Variants in SCNM1 observed in about 807,000 individuals in gnomAD.
SCNM1 encodes sodium channel modifier 1.
In SCNM1, 24 loss-of-function variants were observed where a neutral mutation model predicts 32.8. The ratio of observed to expected loss-of-function variants is 0.73; its 90% CI spans 0.53 to 1.03. The LOEUF is 1.03. Ranked by LOEUF, SCNM1 falls within the 50% of genes least tolerant of loss-of-function variation. The probability of loss-of-function intolerance (pLI) is 0.00; values close to 1 mark genes in which losing one functional copy is unlikely to be tolerated. For synonymous variants in SCNM1, 99 were observed against 103.2 expected (o/e 0.96, Z 0.25); for missense variants, 274 against 282.3 (o/e 0.97, Z 0.21).
intron 2 of SCNM1, 122 bp downstream of exon 2, chr1:151,166,663 G>A (rs982385056): frequency 1.4e-6 from 2 of 1,459,084 alleles, no homozygotes; most frequent in Admixed American, 2.3e-5. Context: ...CGAACTCTAG[G>A]GCTCAAGTGA....
At chr1:151,166,859 G>A in intron 2 of SCNM1, 75 bp from the exon 3 acceptor site, 1 of 1,602,762 alleles carries the variant, frequency 6.2e-7, no homozygotes, top group South Asian at 1.1e-5. Flanking sequence ...TGCTAGGACA[G>A]GGTGGGACCT....
chr1:151,166,179 T>C lies in SCNM1; in HGVS notation c.27T>C (p.Asp9=), dbSNP rs145204847. 2.7e-5 allele frequency: 44 copies of C among 1,606,182 alleles called. No individual in the cohort carries two copies. The highest frequency in any genetic ancestry group is 5.3e-5 in the African/African-American group (4 of 74,870). ...TGTCTTTCAAGAGGGAAGGAGACGA[T>C]TGGAGTCAACTCAATGTGCTCAAAG... MSFKREGD[D]WSQLNVLKKR... The change falls in exon 1 of 7, where the codon GAT becomes GAC. Residue 9 remains aspartate (D), a synonymous_variant. Transcript: ENST00000368905.
chr1:151,170,002 T>G lies in SCNM1; in HGVS notation c.*917T>G. 6.4e-7 allele frequency: 1 copy of G among 1,565,620 alleles called. No homozygotes were observed. Among genetic ancestry groups the G allele is most frequent in the Non-Finnish European group, 8.8e-7 (1 of 1,137,128 alleles). The stretch of plus-strand genomic sequence containing the variant: ...GCAGGCAAAATGGATAGAAGGGCTT[T>G]TATTTACAGGAAAGGAGGACAGATG... On this transcript the variant is annotated 3_prime_UTR_variant, in exon 7 of 7. Coordinates refer to ENST00000368905, the MANE Select transcript of SCNM1 (RefSeq NM_024041.4).
rs909761476 is a variant in SCNM1, at chr1:151,170,281, C to G, written c.*1196C>G. On this transcript the variant is annotated 3_prime_UTR_variant, in exon 7 of 7. Transcript: ENST00000368905. ...AGAAACCACACCACAAATAAAATTA[C>G]GATACCTCTAAACAAGTATGATTAT... 1 of 849,780 alleles carries G rather than the reference C, an allele frequency of 1.2e-6. No individual in the cohort carries two copies. The highest frequency in any genetic ancestry group is 1.8e-6 in the Non-Finnish European group (1 of 543,118). The allele number at this position is 849,780 out of a possible 1,614,324, so 52.6% of individuals were successfully genotyped here.
In SCNM1 at chr1:151,166,494, A is replaced by G. The variant is rs1683707391; in HGVS notation, c.75A>G (p.Leu25=). 1 of 1,613,950 alleles carries G rather than the reference A, an allele frequency of 6.2e-7. No homozygotes were observed. Among genetic ancestry groups the G allele is most frequent in the Non-Finnish European group, 8.5e-7 (1 of 1,179,992 alleles). Reference sequence around the variant, plus strand: ...AGAAAAGAAGAGTCGGGGACCTCCTAGCCAGTTACATTCCAGAGGATGAGG... The same window carrying G: ...AGAAAAGAAGAGTCGGGGACCTCCTGGCCAGTTACATTCCAGAGGATGAGG... ...VLKKRRVGDL[L]ASYIPEDEAL... Residue 25 remains leucine (L), a synonymous_variant, in exon 2 of 7, where the codon CTA becomes CTG. Coordinates refer to ENST00000368905, the MANE Select transcript of SCNM1 (RefSeq NM_024041.4).
Position 151,167,400 on chromosome 1 carries a change from C to T in SCNM1, c.384C>T (p.Cys128=). The T allele has an allele frequency of 6.2e-7, 1 of 1,614,176 alleles. No individual in the cohort carries two copies. The highest frequency in any genetic ancestry group is 1.1e-5 in the South Asian group (1 of 91,080). ...LHRAPHYNSC[C]RRKYRPEAPG... Reference sequence around the variant, plus strand: ...GAGCTCCCCACTATAACAGTTGCTGCCGCCGGAAGTACAGGTATGGGACGG... The same window carrying T: ...GAGCTCCCCACTATAACAGTTGCTGTCGCCGGAAGTACAGGTATGGGACGG... Residue 128 remains cysteine (C), a synonymous_variant, in exon 5 of 7, where the codon TGC becomes TGT. Coordinates refer to ENST00000368905, the MANE Select transcript of SCNM1 (RefSeq NM_024041.4).
At chr1:151,168,549 C>T (rs993849153) in intron 6 of SCNM1, among the ~76,000 whole-genome samples, 1 of 151,944 alleles carries the variant, frequency 6.6e-6, no homozygotes, top group Non-Finnish European at 1.5e-5. Flanking sequence ...GCTGGGATTA[C>T]AGGCATGTGC....
rs758310154 is a variant in SCNM1, at chr1:151,166,518, G to T, written c.99G>T (p.Glu33Asp). 6.2e-7 allele frequency: 1 copy of T among 1,614,112 alleles called. No homozygotes were observed. The highest frequency in any genetic ancestry group is 1.1e-5 in the South Asian group (1 of 91,072). Reference sequence around the variant, plus strand: ...TAGCCAGTTACATTCCAGAGGATGAGGCGCTGATGCTTCGGGATGGACGGT... The same window carrying T: ...TAGCCAGTTACATTCCAGAGGATGATGCGCTGATGCTTCGGGATGGACGGT... ...DLLASYIPED[E>D]ALMLRDGRFA... Residue 33 changes from glutamate to aspartate, a missense_variant, in exon 2 of 7, where the codon GAG (glutamate) becomes GAT (aspartate). Physicochemically the swap from Glu to Asp is conservative, Grantham distance 45. Coordinates refer to ENST00000368905, the MANE Select transcript of SCNM1 (RefSeq NM_024041.4).
In SCNM1 at chr1:151,169,228, C is replaced by T. The variant is rs1445005639; in HGVS notation, c.*143C>T. 4.2e-6 allele frequency: 3 copies of T among 716,486 alleles called. No homozygotes were observed. In the Admixed American group the frequency reaches 9.2e-5, roughly 22 times the overall value. 44.4% of individuals were successfully genotyped at this position (716,486 alleles called of 1,614,324 possible). On this transcript the variant is annotated 3_prime_UTR_variant, in exon 7 of 7. Coordinates refer to ENST00000368905, the MANE Select transcript of SCNM1 (RefSeq NM_024041.4). ...TACTCCTTGCCTGCAAGGTACACAG[C>T]TCTCCACACTCCTTTTTTTTTTTTT... is the stretch of plus-strand genomic sequence containing the variant.
chr1:151,166,475 G>A lies in SCNM1; in HGVS notation c.56G>A (p.Arg19Lys). 6.2e-7 allele frequency: 1 copy of A among 1,614,040 alleles called. No individual in the cohort carries two copies. Among genetic ancestry groups the A allele is most frequent in the Non-Finnish European group, 8.5e-7 (1 of 1,179,994 alleles). Reference sequence around the variant, plus strand: ...TTCTTCCCCTACTCCCTGCAGAAAAGAAGAGTCGGGGACCTCCTAGCCAGT... The same window carrying A: ...TTCTTCCCCTACTCCCTGCAGAAAAAAAGAGTCGGGGACCTCCTAGCCAGT... ...DWSQLNVLKK[R>K]RVGDLLASYI... is the part of the protein sequence containing the mutation. Residue 19 changes from arginine to lysine, a missense_variant, in exon 2 of 7, where the codon AGA (arginine) becomes AAA (lysine). Transcript: ENST00000368905.
rs1481426905 is a variant in SCNM1, at chr1:151,169,882, T to G, written c.*797T>G. ...TCCTAGTAACCTGAACCTCCCTGCC[T>G]GCTGATCCCCAGAGTATAAATAATC... is the stretch of plus-strand genomic sequence containing the variant. On this transcript the variant is annotated 3_prime_UTR_variant, in exon 7 of 7. Transcript: ENST00000368905. 2 of 605,306 alleles carry G rather than the reference T, an allele frequency of 3.3e-6. No homozygotes were observed. The highest frequency in any genetic ancestry group is 3.7e-5 in the African/African-American group (2 of 53,644). The allele number at this position is 605,306 out of a possible 1,614,324, so 37.5% of individuals were successfully genotyped here.
At position 151,167,128 on chromosome 1, in the gene SCNM1, G is replaced by C. The variant is rs1335436621; in HGVS notation, c.219G>C (p.Gln73His). 10 of 1,614,090 alleles carry C rather than the reference G, an allele frequency of 6.2e-6. No homozygotes were observed. The highest frequency in any genetic ancestry group is 8.5e-6 in the Non-Finnish European group (10 of 1,180,050). ...GTTTCCCTTTCTCCTCAGGCTTGCA[G>C]CTTTTCTATGGCAAGAAGCAGCCGG... ...RAGKKHLSSL[Q>H]LFYGKKQPGK... Residue 73 changes from glutamine (Q) to histidine (H), a missense_variant, in exon 4 of 7, where the codon CAG (glutamine) becomes CAC (histidine). Coordinates refer to ENST00000368905, the MANE Select transcript of SCNM1 (RefSeq NM_024041.4).
rs767315900 is a variant in SCNM1 at position 151,167,110 on chromosome 1, T to C, written c.212-11T>C. The C allele has an allele frequency of 9.3e-6, 15 of 1,614,050 alleles. No homozygotes were observed. In the African/African-American group the frequency reaches 1.7e-4, roughly 19 times the overall value. ...TGCTATGCTTTTAATTCTGTTTCCCTTTCTCCTCAGGCTTGCAGCTTTTCT... is the reference window on the plus strand; with the variant it reads ...TGCTATGCTTTTAATTCTGTTTCCCCTTCTCCTCAGGCTTGCAGCTTTTCT... On this transcript the variant is annotated splice_polypyrimidine_tract_variant and intron_variant, in intron 3 of 6. Coordinates refer to ENST00000368905, the MANE Select transcript of SCNM1 (RefSeq NM_024041.4).
chr1:151,167,801 C>T (rs1031487474), intron 5 of SCNM1: 4 of 294,482 alleles, frequency 1.4e-5, no homozygotes, highest in African/African-American at 8.8e-5. Flanking sequence ...CACTTCACTC[C>T]AGCCTGGGTG....
Position 151,168,155 on chromosome 1 carries a change from CT to C in SCNM1, c.411del (p.Gly138ValfsTer45), listed in dbSNP as rs1199481582. 9.9e-6 allele frequency: 16 copies of C among 1,612,658 alleles called. No homozygotes were observed. Among genetic ancestry groups the C allele is most frequent in the African/African-American group, 1.3e-5 (1 of 74,970 alleles). On this transcript the variant is annotated frameshift_variant, in exon 6 of 7. Transcript: ENST00000368905. LOFTEE classifies it high-confidence loss of function. ...TCTTCTCTACCTAGACCAGAAGCCCCTGGTCCCTCTGTCTCCCTTTCCCCTA... is the reference window on the plus strand; with the variant it reads ...TCTTCTCTACCTAGACCAGAAGCCCCGGTCCCTCTGTCTCCCTTTCCCCTA... Reference protein sequence around the residue: ...CCRRKYRPEAPGPSVSLSPMP... With the variant: ...CCRRKYRPEAXGPSVSLSPMP...
chr1:151,168,790 C>CTTTTT (rs147127258), intron 6 of SCNM1, among the ~76,000 whole-genome samples, 196 bp from the exon 7 acceptor site: 2 of 40,348 alleles, frequency 5.0e-5, no homozygotes, highest in Non-Finnish European at 8.6e-5. Context: ...TCACTGCTAA[C>CTTTTT]TTTTTTTTTT....
intron 2 of SCNM1, 171 bp from the exon 3 acceptor site, chr1:151,166,763 G>C (rs587704651): frequency 2.4e-6 from 3 of 1,236,116 alleles, no homozygotes; most frequent in African/African-American, 3.0e-5. Context: ...AATTAGGACA[G>C]CAGGAGTACC....
At chr1:151,166,410 C>T in intron 1 of SCNM1, 61 bp from the exon 2 acceptor site, 1 of 1,606,310 alleles carries the variant, frequency 6.2e-7, no homozygotes, top group Non-Finnish European at 8.5e-7. Context: ...TATAATTTCA[C>T]TTCCACCCCT....
chr1:151,166,390 T>C, intron 1 of SCNM1, 81 bp from the exon 2 acceptor site: 3 of 1,585,196 alleles, frequency 1.9e-6, no homozygotes. Flanking sequence ...TCCATTTCAC[T>C]CCTCATTTCT....
Sources: gnomAD v4.1 joint callset for allele counts (sites outside exome capture counted in the v4.1 genomes callset) on GRCh38, gnomAD v4.1.1 for gene constraint, MANE v1.5 for transcripts, NCBI Gene and HGNC (gene_info 2026-07-23, HGNC 2026-07-21) for gene names.